Variants in CEP78 observed in about 807,000 individuals in gnomAD.
CEP78 encodes centrosomal protein 78, also known as centrosomal protein of 78 kDa.
In CEP78, 76 loss-of-function variants were observed where a neutral mutation model predicts 81.2. The observed-to-expected ratio is 0.94, with a 90% confidence interval of 0.78 to 1.13. The LOEUF (loss-of-function observed/expected upper bound fraction) is 1.13. CEP78 is among the 50% of genes most tolerant of loss of function. The pLI, the probability that CEP78 is intolerant of heterozygous loss-of-function variation, is 0.00. For missense variants in CEP78, 918 were observed against 846.8 expected, an observed-to-expected ratio of 1.08 and a Z score of -1.04; for synonymous variants, 293 against 301.4, an observed-to-expected ratio of 0.97 and a Z score of 0.29.
At chr9:78,245,441 C>T (rs1199890187) in intron 5 of CEP78, among the ~76,000 whole-genome samples, 1 of 152,118 alleles carries the variant, frequency 6.6e-6, no homozygotes, top group Non-Finnish European at 1.5e-5. Context: ...GATGGCTCCA[C>T]TCTCAAGACC....
At chr9:78,246,153 C>T (rs1826468996) in intron 5 of CEP78, among the ~76,000 whole-genome samples, 1 of 152,132 alleles carries the variant, frequency 6.6e-6, no homozygotes. Context: ...AATCATGACA[C>T]ATCTATGAAG....
rs540902972 is a variant in CEP78, at chr9:78,236,108, G to T, written c.-243G>T. 915 of 528,036 alleles carry T rather than the reference G, an allele frequency of 1.7e-3. 6 individuals are homozygous for T. Among genetic ancestry groups the T allele is most frequent in the African/African-American group, 0.017 (843 of 48,804 alleles). The allele number at this position is 528,036 out of a possible 1,614,324, so 32.7% of individuals were successfully genotyped here. The stretch of plus-strand genomic sequence containing the variant: ...TCCCGGCGCCTCAGAGGACTATGAG[G>T]CGGGCGCCAACTGCTTGGGCCGCAG... On this transcript the variant is annotated 5_prime_UTR_variant, in exon 1 of 17. Coordinates refer to ENST00000643273, the MANE Select transcript of CEP78 (RefSeq NM_001330691.3).
chr9:78,263,368 A>G (rs1827365419), intron 12 of CEP78, among the ~76,000 whole-genome samples: 1 of 152,182 alleles, frequency 6.6e-6, no homozygotes, highest in African/African-American at 2.4e-5. Flanking sequence ...AAGGTAAAAG[A>G]TAATGGAAAA....
intron 4 of CEP78, 117 bp from the exon 5 acceptor site, chr9:78,243,345 G>A (rs1057257716): frequency 1.3e-6 from 1 of 756,668 alleles, no homozygotes; most frequent in Non-Finnish European, 2.0e-6. Context: ...TAACCCACCT[G>A]GCATATGTAC....
chr9:78,250,545 C>T (rs953864369), intron 8 of CEP78: 3 of 210,876 alleles, frequency 1.4e-5, no homozygotes, highest in African/African-American at 2.3e-5. Flanking sequence ...TGGAGACCAG[C>T]CTGGGCAACA....
intron 1 of CEP78, among the ~76,000 whole-genome samples, chr9:78,238,213 A>G (rs1439052502): frequency 6.6e-6 from 1 of 152,080 alleles, no homozygotes; most frequent in Non-Finnish European, 1.5e-5. Flanking sequence ...GGCAGCAAGT[A>G]TGGGTGACAG....
chr9:78,255,911 G>C (rs1001740362), intron 11 of CEP78, among the ~76,000 whole-genome samples: 6 of 152,178 alleles, frequency 3.9e-5, no homozygotes, highest in African/African-American at 1.4e-4. Context: ...TATTCTAAAA[G>C]TGATTATAGC....
At chr9:78,257,120 T>G (rs1376823937) in intron 11 of CEP78, among the ~76,000 whole-genome samples, 3 of 151,068 alleles carry the variant, frequency 2.0e-5, no homozygotes, top group Admixed American at 1.3e-4. Flanking sequence ...AAAAAAACTA[T>G]AAGAAAGTTT....
intron 1 of CEP78, among the ~76,000 whole-genome samples, chr9:78,237,828 G>A (rs994342351): frequency 3.3e-5 from 5 of 152,024 alleles, no homozygotes; most frequent in African/African-American, 1.2e-4. Context: ...CTGGGGCCGG[G>A]CACCGTGGCT....
rs1270022534 is a variant in CEP78 at position 78,274,015 on chromosome 9, A to G, written c.*3164A>G. ...CTTTAAATGCTAACATACACATACC[A>G]TATGACCAAGCAGTCCCACTCCTGG... On this transcript the variant is annotated 3_prime_UTR_variant, in exon 17 of 17. Coordinates refer to ENST00000643273, the MANE Select transcript of CEP78 (RefSeq NM_001330691.3). 2 of 152,226 alleles carry G rather than the reference A, an allele frequency of 1.3e-5. No homozygotes were observed. The highest frequency in any genetic ancestry group is 4.8e-5 in the African/African-American group (2 of 41,446). 9.4% of individuals were successfully genotyped at this position (152,226 alleles called of 1,614,324 possible). A position where few individuals can be genotyped will look rare whatever the true frequency, so the allele number is the denominator to read the frequency against.
intron 8 of CEP78, chr9:78,250,017 A>T: frequency 5.9e-6 from 2 of 336,202 alleles, no homozygotes. Context: ...CTGTACACTT[A>T]AAAATGGCTA....
In CEP78 at chr9:78,276,152, T is replaced by C. The variant is rs1268817281; in HGVS notation, c.*5301T>C. On this transcript the variant is annotated 3_prime_UTR_variant, in exon 17 of 17. Transcript: ENST00000643273. ...TCCAAAATAAAACTAGCAGTTTGAA[T>C]TCAGCATTGTAGCAAAAGATATATC... 6.6e-6 allele frequency: 1 copy of C among 152,228 alleles called. No individual in the cohort carries two copies. The highest frequency in any genetic ancestry group is 2.4e-5 in the African/African-American group (1 of 41,464). The allele number at this position is 152,228 out of a possible 1,614,324, so 9.4% of individuals were successfully genotyped here.
chr9:78,254,862 A>G lies in CEP78; in HGVS notation c.1278A>G (p.Thr426=), dbSNP rs370773351. Reference sequence around the variant, plus strand: ...AACCAGGTTTTCCTGTGACTGTGACAGTAGAGAGTCCTTCATCCTCTGAAG... The same window carrying G: ...AACCAGGTTTTCCTGTGACTGTGACGGTAGAGAGTCCTTCATCCTCTGAAG... ...LQQPGFPVTV[T]VESPSSSEVE... is the part of the protein sequence containing the mutation. The change falls in exon 11 of 17, where the codon ACA becomes ACG. Residue 426 remains threonine, a synonymous_variant. Transcript: ENST00000643273. 34 of 1,611,318 alleles carry G rather than the reference A, an allele frequency of 2.1e-5. No homozygotes were observed. In the African/African-American group the frequency reaches 3.9e-4, roughly 18 times the overall value.
chr9:78,266,374 T>G, intron 15 of CEP78, 68 bp from the exon 16 acceptor site: 2 of 1,204,008 alleles, frequency 1.7e-6, no homozygotes, highest in Non-Finnish European at 1.2e-6. Flanking sequence ...AACATTGACG[T>G]TTTGAACTCG....
rs1825917213 is a variant in CEP78, at chr9:78,236,180, TG to T, written c.-167del. On this transcript the variant is annotated 5_prime_UTR_variant, in exon 1 of 17. Transcript: ENST00000643273. ...GGGGCGTTGAGGGGCCGGCCTAGCT[TG>T]GGGCTCTGGCCTTGCGTCTTCCGAC... 2 of 612,220 alleles carry T rather than the reference TG, an allele frequency of 3.3e-6. No homozygotes were observed. Among genetic ancestry groups the T allele is most frequent in the Non-Finnish European group, 5.5e-6 (2 of 363,484 alleles). The allele number at this position is 612,220 out of a possible 1,614,324, so 37.9% of individuals were successfully genotyped here.
chr9:78,248,755 C>G lies in CEP78; in HGVS notation c.958-7C>G. ...CTGAAATATAGTGTTTATTCTGTCT[C>G]TTTTAGTACCAGTGGATAACTTCTC... is the stretch of plus-strand genomic sequence containing the variant. On this transcript the variant is annotated splice_polypyrimidine_tract_variant and splice_region_variant and intron_variant, in intron 7 of 16. Transcript: ENST00000643273. The G allele has an allele frequency of 6.9e-7, 1 of 1,441,996 alleles. No individual in the cohort carries two copies. The highest frequency in any genetic ancestry group is 1.4e-5 in the African/African-American group (1 of 70,762). The allele number at this position is 1,441,996 out of a possible 1,614,324, so 89.3% of individuals were successfully genotyped here.
Position 78,243,725 on chromosome 9 carries a change from G to T in CEP78, c.778+89G>T. ...CTTGGCACAGTAATGTTGTCCGAAG[G>T]TTTTTTAAAAAGCCTCTTTTTTCTA... is the stretch of plus-strand genomic sequence containing the variant. On this transcript the variant is annotated intron_variant, in intron 5 of 16. Coordinates refer to ENST00000643273, the MANE Select transcript of CEP78 (RefSeq NM_001330691.3). The T allele has an allele frequency of 6.7e-6, 7 of 1,044,462 alleles. No homozygotes were observed. In the South Asian group the frequency reaches 8.1e-5, roughly 12 times the overall value. The allele number at this position is 1,044,462 out of a possible 1,614,324, so 64.7% of individuals were successfully genotyped here.
At chr9:78,268,838 C>T (rs1036112256) in intron 16 of CEP78, among the ~76,000 whole-genome samples, 13 of 151,856 alleles carry the variant, frequency 8.6e-5, no homozygotes, top group Middle Eastern at 3.4e-3. Flanking sequence ...TTGTATTTTT[C>T]GTAGAGACGG....
intron 10 of CEP78, 161 bp downstream of exon 10, chr9:78,253,438 G>C: frequency 1.7e-6 from 1 of 595,578 alleles, no homozygotes; most frequent in Non-Finnish European, 3.1e-6. Flanking sequence ...CACAGTATAG[G>C]CGTGTGGATA....
Sources: gnomAD v4.1 joint callset for allele counts (sites outside exome capture counted in the v4.1 genomes callset) on GRCh38, gnomAD v4.1.1 for gene constraint, MANE v1.5 for transcripts, NCBI Gene and HGNC (gene_info 2026-07-23, HGNC 2026-07-21) for gene names.